KIF26B: variants seen among roughly 807,000 people sequenced by gnomAD.
The protein encoded by KIF26B is kinesin-like protein KIF26B.
KIF26B carries 63 observed loss-of-function variants against 151.2 expected under a neutral mutation model. That is an observed-to-expected ratio of 0.42 (90% CI 0.34 to 0.51). The LOEUF (loss-of-function observed/expected upper bound fraction) is 0.51, where lower values mean the gene tolerates loss of function less well. Ranked by LOEUF, KIF26B falls within the 20% of genes least tolerant of loss-of-function variation. The pLI is 0.07. For synonymous variants in KIF26B, 1,357 were observed against 1,262.1 expected (o/e 1.08, Z -1.59); for missense variants, 2,813 against 2,913.6 (o/e 0.97, Z 0.79).
chr1:245,486,074 T>C (rs1660274356), intron 4 of KIF26B, among the ~76,000 whole-genome samples: 1 of 152,256 alleles, frequency 6.6e-6, no homozygotes, highest in African/African-American at 2.4e-5. Context: ...AAGAAATCCA[T>C]ATTTCCTGAT....
intron 5 of KIF26B, among the ~76,000 whole-genome samples, chr1:245,586,654 C>T (rs947684707): frequency 2.6e-5 from 4 of 151,892 alleles, no homozygotes; most frequent in African/African-American, 7.3e-5. Context: ...GAGGCCGAGG[C>T]GGGTGGATCA....
chr1:245,592,116 A>C (rs2103137370), intron 5 of KIF26B, among the ~76,000 whole-genome samples: 1 of 152,060 alleles, frequency 6.6e-6, no homozygotes, highest in Middle Eastern at 3.4e-3. Flanking sequence ...GCTCCCTCAC[A>C]CTTAGCTTTA....
intron 4 of KIF26B, among the ~76,000 whole-genome samples, chr1:245,518,358 T>A (rs963820529): frequency 6.6e-6 from 1 of 152,208 alleles, no homozygotes; most frequent in Non-Finnish European, 1.5e-5. Context: ...GTTTTGTTAC[T>A]GAGTCAACCT....
At chr1:245,554,244 GTGGGAATC>G (rs1204468348) in intron 5 of KIF26B, among the ~76,000 whole-genome samples, 4 of 152,196 alleles carry the variant, frequency 2.6e-5, no homozygotes. Flanking sequence ...CTACTTGAGG[GTGGGAATC>G]TTTGTTCCTA....
At chr1:245,420,106 C>A (rs1040027887) in intron 4 of KIF26B, among the ~76,000 whole-genome samples, 1 of 152,142 alleles carries the variant, frequency 6.6e-6, no homozygotes, top group African/African-American at 2.4e-5. Context: ...TTTGCAGCAT[C>A]AGGACTTTGT....
At chr1:245,539,570 A>G (rs745680075) in intron 4 of KIF26B, among the ~76,000 whole-genome samples, 9 of 152,228 alleles carry the variant, frequency 5.9e-5, no homozygotes, top group Non-Finnish European at 1.2e-4. Flanking sequence ...AAATGAGTAT[A>G]TTAGAGTCTG....
At chr1:245,313,436 T>C (rs774429871) in intron 2 of KIF26B, among the ~76,000 whole-genome samples, 3 of 152,232 alleles carry the variant, frequency 2.0e-5, no homozygotes, top group Non-Finnish European at 2.9e-5. Context: ...GAGAAGTTCA[T>C]AGCCAGTCAC....
rs1407815705 is a variant in KIF26B, at chr1:245,446,926, G to A, written c.1166+27181G>A. Reference sequence around the variant, plus strand: ...AAAAGGAGGTTCCATGATTTGGGAAGTAAGTTTCATTTTCTTTCATATTTG... The same window carrying A: ...AAAAGGAGGTTCCATGATTTGGGAAATAAGTTTCATTTTCTTTCATATTTG... On this transcript the variant is annotated intron_variant, in intron 4 of 14. Coordinates refer to ENST00000407071, the MANE Select transcript of KIF26B (RefSeq NM_018012.4). Among the ~76,000 whole-genome samples, 3 of 152,212 alleles carry A rather than the reference G, an allele frequency of 2.0e-5. No individual in the cohort carries two copies. In the East Asian group the frequency reaches 5.8e-4, roughly 29 times the overall value.
intron 12 of KIF26B, among the ~76,000 whole-genome samples, chr1:245,689,942 G>A (rs1181238233): frequency 6.6e-6 from 1 of 152,126 alleles, no homozygotes; most frequent in East Asian, 1.9e-4. Flanking sequence ...CTTGTTAATT[G>A]GAGTCTTGGG....
At chr1:245,430,577 GGATC>G (rs1204378461) in intron 4 of KIF26B, among the ~76,000 whole-genome samples, 1 of 152,176 alleles carries the variant, frequency 6.6e-6, no homozygotes, top group Non-Finnish European at 1.5e-5. Flanking sequence ...TGGGGCAGGA[GGATC>G]GCTTGAGCCC....
chr1:245,205,664 A>T (rs549936616), intron 2 of KIF26B, among the ~76,000 whole-genome samples: 1 of 152,172 alleles, frequency 6.6e-6, no homozygotes, highest in South Asian at 2.1e-4. Flanking sequence ...CTGGGCTGAC[A>T]GAACAGAACA....
At chr1:245,389,272 C>A (rs1673628540) in intron 3 of KIF26B, among the ~76,000 whole-genome samples, 1 of 152,104 alleles carries the variant, frequency 6.6e-6, no homozygotes, top group South Asian at 2.1e-4. Flanking sequence ...CACCATCATG[C>A]CCGGCTAATT....
chr1:245,291,329 A>G (rs1671250112), intron 2 of KIF26B, among the ~76,000 whole-genome samples: 1 of 152,358 alleles, frequency 6.6e-6, no homozygotes, highest in Admixed American at 6.5e-5. Context: ...GGCATAGTGT[A>G]GGTACTCTAA....
chr1:245,338,037 G>T (rs115646190), intron 2 of KIF26B, among the ~76,000 whole-genome samples: 2,653 of 152,304 alleles, frequency 0.017, 37 homozygotes, highest in Middle Eastern at 0.061. Flanking sequence ...AAGCACAGCC[G>T]TCTGGTTTGG....
intron 9 of KIF26B, among the ~76,000 whole-genome samples, chr1:245,624,865 G>C (rs1432428460): frequency 1.3e-5 from 2 of 151,926 alleles, no homozygotes; most frequent in East Asian, 3.9e-4. Context: ...GTAATTTTAG[G>C]CTTCAAATTT....
intron 12 of KIF26B, among the ~76,000 whole-genome samples, chr1:245,690,842 G>C (rs1463309924): frequency 6.6e-6 from 1 of 152,164 alleles, no homozygotes; most frequent in African/African-American, 2.4e-5. Flanking sequence ...TTTAAGACAA[G>C]TTGAAAAGGA....
intron 3 of KIF26B, among the ~76,000 whole-genome samples, chr1:245,403,403 A>G (rs1273695317): frequency 1.3e-5 from 2 of 152,208 alleles, no homozygotes; most frequent in Non-Finnish European, 2.9e-5. Context: ...CTCAGTGGGC[A>G]TGTTTACTGA....
chr1:245,621,917 A>G (rs2043666733), intron 9 of KIF26B, among the ~76,000 whole-genome samples: 1 of 151,164 alleles, frequency 6.6e-6, no homozygotes, highest in African/African-American at 2.4e-5. Context: ...ATTTTATATT[A>G]TCATCCTCAG....
At chr1:245,229,602 C>T (rs956994763) in intron 2 of KIF26B, among the ~76,000 whole-genome samples, 2 of 152,178 alleles carry the variant, frequency 1.3e-5, no homozygotes, top group Non-Finnish European at 2.9e-5. Context: ...CTGATGTATA[C>T]TCACTGTGTT....
Sources: gnomAD v4.1 joint callset for allele counts (sites outside exome capture counted in the v4.1 genomes callset) on GRCh38, gnomAD v4.1.1 for gene constraint, MANE v1.5 for transcripts, NCBI Gene and HGNC (gene_info 2026-07-23, HGNC 2026-07-21) for gene names.